Variants in LALBA observed in about 807,000 individuals in gnomAD.
LALBA encodes the protein lactalbumin alpha.
LALBA carries 12 observed loss-of-function variants against 13.4 expected under a neutral mutation model. The observed-to-expected ratio is 0.89, with a 90% CI of 0.57 to 1.45. The LOEUF is 1.45. LALBA is among the 40% of genes most tolerant of loss of function. The probability of loss-of-function intolerance (pLI) is 0.00; values close to 1 mark genes in which losing one functional copy is unlikely to be tolerated. For synonymous variants in LALBA, 64 were observed against 61.0 expected, an observed-to-expected ratio of 1.05 and a Z score of -0.23; for missense variants, 145 against 165.9, an observed-to-expected ratio of 0.87 and a Z score of 0.69.
intron 3 of LALBA, 75 bp from the exon 4 acceptor site, chr12:48,568,092 G>C (rs1938589424): frequency 8.8e-7 from 1 of 1,141,736 alleles, no homozygotes; most frequent in Non-Finnish European, 1.3e-6. Flanking sequence ...GGCTGAAGTG[G>C]AAGAGCGTGG....
upstream of LALBA, among the ~76,000 whole-genome samples, chr12:48,570,422 C>T (rs932041647): frequency 2.6e-5 from 4 of 152,044 alleles, no homozygotes; most frequent in Admixed American, 6.6e-5. Flanking sequence ...AGTTCTATAC[C>T]GAGCTTCCCC....
chr12:48,571,762 A>T (rs1565589306), upstream of LALBA, among the ~76,000 whole-genome samples: 1 of 152,172 alleles, frequency 6.6e-6, no homozygotes, highest in Non-Finnish European at 1.5e-5. Flanking sequence ...CCATATCGTT[A>T]TCTCCTACAT....
upstream of LALBA, among the ~76,000 whole-genome samples, chr12:48,571,645 CCT>C (rs1938635623): frequency 6.6e-6 from 1 of 152,070 alleles, no homozygotes; most frequent in Non-Finnish European, 1.5e-5. Context: ...TGGGCCTCGG[CCT>C]CCCAAAGTGC....
In LALBA at chr12:48,569,896, A is replaced by C; in HGVS notation, c.125T>G (p.Leu42Trp). 6.2e-7 allele frequency: 1 copy of C among 1,614,004 alleles called. No homozygotes were observed. The highest frequency in any genetic ancestry group is 8.5e-7 in the Non-Finnish European group (1 of 1,179,962). The change falls in exon 1 of 4, where the codon TTG becomes TGG. Residue 42 changes from leucine to tryptophan, a missense_variant. Leu to Trp is a moderately conservative substitution (Grantham distance 61). Coordinates refer to ENST00000301046, the MANE Select transcript of LALBA (RefSeq NM_002289.3). ...KDIDGYGGIA[L>W]PELICTMFHT... Reference sequence around the variant, plus strand: ...AGAGGCAGGGAACTCACATTCAGGCAAAGCGATGCCTCCATAACCATCTAT... The same window carrying C: ...AGAGGCAGGGAACTCACATTCAGGCCAAGCGATGCCTCCATAACCATCTAT...
Position 48,568,518 on chromosome 12 carries a change from A to G in LALBA, c.367T>C (p.Trp123Arg). The change falls in exon 3 of 4, where the codon TGG becomes CGG. Residue 123 changes from tryptophan (W) to arginine (R), a missense_variant and splice_region_variant. Transcript: ENST00000301046. ...ATAGAAAATAGAATAAGGATTCACCAGTAGTCAATTCCTTTAATATCCAGG... is the reference window on the plus strand; with the variant it reads ...ATAGAAAATAGAATAAGGATTCACCGGTAGTCAATTCCTTTAATATCCAGG... ...KILDIKGIDY[W>R]LAHKALCTEK... The G allele has an allele frequency of 6.6e-7, 1 of 1,523,356 alleles. No homozygotes were observed. Among genetic ancestry groups the G allele is most frequent in the Non-Finnish European group, 9.1e-7 (1 of 1,098,104 alleles). 94.4% of individuals were successfully genotyped at this position (1,523,356 alleles called of 1,614,324 possible). A position where few individuals can be genotyped will look rare whatever the true frequency, so the allele number is the denominator to read the frequency against.
rs1938585218 is a variant in LALBA, at chr12:48,567,765, G to T, written c.*192C>A. 1 of 578,424 alleles carries T rather than the reference G, an allele frequency of 1.7e-6. No homozygotes were observed. Among genetic ancestry groups the T allele is most frequent in the Non-Finnish European group, 3.1e-6 (1 of 319,336 alleles). 35.8% of individuals were successfully genotyped at this position (578,424 alleles called of 1,614,324 possible). On this transcript the variant is annotated 3_prime_UTR_variant, in exon 4 of 4. Coordinates refer to ENST00000301046, the MANE Select transcript of LALBA (RefSeq NM_002289.3). The stretch of plus-strand genomic sequence containing the variant: ...AGTGCCATCGAAGGCACTGAGTAAG[G>T]GTCTAGAGCTCAGTGCACCACTCAG...
upstream of LALBA, chr12:48,570,086 A>G: frequency 6.3e-7 from 1 of 1,578,332 alleles, no homozygotes; most frequent in Non-Finnish European, 8.7e-7. Context: ...ATTCATGCAG[A>G]AAGCCTCAGG....
intron 2 of LALBA, among the ~76,000 whole-genome samples, chr12:48,568,862 T>C (rs918355145): frequency 1.3e-5 from 2 of 152,158 alleles, no homozygotes; most frequent in African/African-American, 4.8e-5. Context: ...CTCAGACAGC[T>C]CCGATTGTCT....
chr12:48,568,719 T>C lies in LALBA; in HGVS notation c.293-127A>G, dbSNP rs1485730760. 9 of 636,376 alleles carry C rather than the reference T, an allele frequency of 1.4e-5. No homozygotes were observed. In the Admixed American group the frequency reaches 2.3e-4, roughly 16 times the overall value. The allele number at this position is 636,376 out of a possible 1,614,324, so 39.4% of individuals were successfully genotyped here. On this transcript the variant is annotated intron_variant, in intron 2 of 3. Transcript: ENST00000301046. Reference sequence around the variant, plus strand: ...AAGGCTTGTGCCTGTTGTCTTTCTATATGAAAGGACCAATGTGGTAATGTC... The same window carrying C: ...AAGGCTTGTGCCTGTTGTCTTTCTACATGAAAGGACCAATGTGGTAATGTC...
chr12:48,569,850 T>C, intron 1 of LALBA, 38 bp downstream of exon 1: 1 of 1,606,710 alleles, frequency 6.2e-7, no homozygotes. Context: ...GAGAGAAGCG[T>C]ATGAGGAATG....
upstream of LALBA, among the ~76,000 whole-genome samples, chr12:48,571,549 T>A (rs1299991130): frequency 6.6e-6 from 1 of 151,822 alleles, no homozygotes; most frequent in Non-Finnish European, 1.5e-5. Flanking sequence ...CATGCCCGGT[T>A]AATTTATGTA....
rs943537334 is a variant in LALBA, at chr12:48,568,966, T to C, written c.292+116A>G. ...GTACTGCCAATTCAAGTCCCACAAT[T>C]TTTATAGAGCCCAGCCAAGGCAATG... On this transcript the variant is annotated intron_variant, in intron 2 of 3. Transcript: ENST00000301046. 5.1e-5 allele frequency: 47 copies of C among 922,032 alleles called. 1 individual carries two copies. Among genetic ancestry groups the C allele is most frequent in the Non-Finnish European group, 7.2e-5 (44 of 609,008 alleles). The allele number at this position is 922,032 out of a possible 1,614,324, so 57.1% of individuals were successfully genotyped here.
intron 1 of LALBA, 135 bp downstream of exon 1, chr12:48,569,753 A>G (rs1938610243): frequency 1.3e-6 from 1 of 772,648 alleles, no homozygotes; most frequent in South Asian, 1.9e-5. Flanking sequence ...TACATGAAAT[A>G]AAAGAGTATG....
chr12:48,569,665 A>G (rs1002730383), intron 1 of LALBA, among the ~76,000 whole-genome samples: 4 of 152,170 alleles, frequency 2.6e-5, no homozygotes, highest in Non-Finnish European at 4.4e-5. Context: ...GTGAGCCGAG[A>G]TTACACCATT....
chr12:48,568,633 G>C, intron 2 of LALBA, 41 bp from the exon 3 acceptor site: 1 of 1,249,628 alleles, frequency 8.0e-7, no homozygotes, highest in Non-Finnish European at 1.2e-6. Context: ...CAGCTGACAA[G>C]TATTACCCAG....
intron 1 of LALBA, among the ~76,000 whole-genome samples, chr12:48,569,483 G>A (rs1454559445): frequency 2.6e-5 from 4 of 152,208 alleles, no homozygotes; most frequent in East Asian, 1.9e-4. Flanking sequence ...GGAGGCTGAG[G>A]AGGGCGGATC....
At chr12:48,569,033 AG>A (rs1938600152) in intron 2 of LALBA, 48 bp downstream of exon 2, 2 of 1,497,522 alleles carry the variant, frequency 1.3e-6, no homozygotes, top group Non-Finnish European at 1.8e-6. Flanking sequence ...GATTATCCCA[AG>A]GGCAGGCCTC....
chr12:48,571,840 T>C (rs1044836428), upstream of LALBA, among the ~76,000 whole-genome samples: 7 of 152,192 alleles, frequency 4.6e-5, no homozygotes, highest in Non-Finnish European at 7.3e-5. Flanking sequence ...AACCAGTATA[T>C]GAAGTGGCAT....
intron 1 of LALBA, 143 bp from the exon 2 acceptor site, chr12:48,569,383 C>T (rs931045311): frequency 3.1e-6 from 2 of 654,976 alleles, no homozygotes; most frequent in Admixed American, 6.6e-5. Flanking sequence ...TGGAGAATTC[C>T]AAAAAAAAAT....
Sources: allele counts gnomAD v4.1 joint callset (sites outside exome capture counted in the v4.1 genomes callset), GRCh38; gene constraint gnomAD v4.1.1; transcripts MANE v1.5; gene names NCBI Gene and HGNC (gene_info 2026-07-23, HGNC 2026-07-21).